The following NCOR2 variants were observed in gnomAD, a reference collection of about 807,000 sequenced individuals.
NCOR2 encodes nuclear receptor corepressor 2.
NCOR2 carries 81 observed loss-of-function variants against 262.9 expected under a neutral mutation model. The observed-to-expected ratio is 0.31, with a 90% CI of 0.26 to 0.37. The LOEUF is 0.37. Ranked by LOEUF, NCOR2 falls within the 10% of genes least tolerant of loss-of-function variation. NCOR2 has a pLI of 1.00. For missense variants in NCOR2, 3,385 were observed against 3,621.4 expected, an observed-to-expected ratio of 0.93 and a Z score of 1.68; for synonymous variants, 1,659 against 1,559.3, an observed-to-expected ratio of 1.06 and a Z score of -1.51.
intron 45 of NCOR2, 127 bp downstream of exon 47, chr12:124,327,282 A>G: frequency 3.9e-6 from 3 of 776,942 alleles, no homozygotes; most frequent in Admixed American, 2.6e-5. Context: ...GAGGTCAAAC[A>G]CGCACAAAAA....
rs1196720514 is a variant in NCOR2, at chr12:124,482,949, C to T, written c.411+647G>A. Among the ~76,000 whole-genome samples the T allele has an allele frequency of 2.0e-5, 3 of 152,178 alleles. No individual in the cohort carries two copies. The highest frequency in any genetic ancestry group is 4.4e-5 in the Non-Finnish European group (3 of 68,010). ...GTCCAGGCCATGTCCTAACCAAGCA[C>T]CGCCCCTTTAGTGCTGAGCCAACTC... On this transcript the variant is annotated intron_variant, in intron 3 of 46. Coordinates refer to ENST00000405201, the Ensembl canonical transcript of NCOR2. This position sits in a 1 kb window ranked among gnomAD's most constrained non-coding sequence, Gnocchi z 6.3.
chr12:124,476,607 A>G (rs935156928), intron 3 of NCOR2, among the ~76,000 whole-genome samples: 1 of 152,256 alleles, frequency 6.6e-6, no homozygotes. Flanking sequence ...CAGGAGTAAA[A>G]GCAGCGGCTG....
chr12:124,371,930 G>T, intron 20 of NCOR2, 92 bp downstream of exon 22: 1 of 1,318,254 alleles, frequency 7.6e-7, no homozygotes, highest in Non-Finnish European at 1.0e-6. Context: ...AAAGCAGGCA[G>T]AGCCAGACTG....
At chr12:124,423,245 C>T (rs1307084594) in intron 11 of NCOR2, among the ~76,000 whole-genome samples, 4 of 152,316 alleles carry the variant, frequency 2.6e-5, no homozygotes, top group East Asian at 3.9e-4. Context: ...TGGGTCAAGG[C>T]CTGCTCCACC....
At position 124,346,696 on chromosome 12, in the gene NCOR2, C is replaced by A. The variant is rs768218509; in HGVS notation, c.4227G>T (p.Pro1409=). Residue 1409 remains proline (P), a synonymous_variant, in exon 31 of 47, where the codon CCG becomes CCT. Coordinates refer to ENST00000405201, the Ensembl canonical transcript of NCOR2. ...CCGTGGCCACCAGGCCCTCATGGGC[C>A]GGCTTCAGCTTCAGGGGGCCCAGGG... is the stretch of plus-strand genomic sequence containing the variant. 5 of 1,571,960 alleles carry A rather than the reference C, an allele frequency of 3.2e-6. No homozygotes were observed. The South Asian group carries it at 5.8e-5, about 18-fold the overall frequency.
intron 11 of NCOR2, among the ~76,000 whole-genome samples, chr12:124,423,181 C>A (rs2043321086): frequency 6.6e-6 from 1 of 152,200 alleles, no homozygotes; most frequent in Non-Finnish European, 1.5e-5. Flanking sequence ...AACCACTGGG[C>A]CCAGGCTGAA....
rs987566048 is a variant in NCOR2 at position 124,461,331 on chromosome 12, T to C, written c.706-4169A>G. Among the ~76,000 whole-genome samples, 5 of 152,306 alleles carry C rather than the reference T, an allele frequency of 3.3e-5. No homozygotes were observed. The East Asian group carries it at 9.6e-4, about 29-fold the overall frequency. On this transcript the variant is annotated intron_variant, in intron 5 of 46. Transcript: ENST00000405201. ...TGAGAGGAAAGGAAAACCTAGGGAC[T>C]CAAGCCAATGAGCGGCCCCGCTCAC... is the stretch of plus-strand genomic sequence containing the variant.
chr12:124,560,878 T>C (rs949693421), intron 1 of NCOR2, among the ~76,000 whole-genome samples: 55 of 152,364 alleles, frequency 3.6e-4, no homozygotes, highest in African/African-American at 1.3e-3. Flanking sequence ...TTGAATGCAT[T>C]ACTTTTTGTT....
At position 124,485,972 on chromosome 12, in the gene NCOR2, C is replaced by G. The variant is rs565336403; in HGVS notation, c.233+469G>C. Among the ~76,000 whole-genome samples, 14 of 131,946 alleles carry G rather than the reference C, an allele frequency of 1.1e-4. 1 individual carries two copies. Among genetic ancestry groups the G allele is most frequent in the African/African-American group, 3.8e-4 (14 of 36,668 alleles). 86.6% of individuals were successfully genotyped at this position (131,946 alleles called of 152,430 possible). The stretch of plus-strand genomic sequence containing the variant: ...CCCCACCCCACCTCCCTCCCACTCC[C>G]CACCTCCCTCTCACCCTACCACCTA... On this transcript the variant is annotated intron_variant, in intron 2 of 46. Coordinates refer to ENST00000405201, the Ensembl canonical transcript of NCOR2.
Position 124,451,244 on chromosome 12 carries a change from C to G in NCOR2, c.763-1377G>C, listed in dbSNP as rs2045512675. On this transcript the variant is annotated intron_variant, in intron 6 of 46. Coordinates refer to ENST00000405201, the Ensembl canonical transcript of NCOR2. The stretch of plus-strand genomic sequence containing the variant: ...GCCGGCCCCCCGACTCCCTCGCTGG[C>G]CACGGAGGTGCAAGAGCTGAGCCCA... Among the ~76,000 whole-genome samples, 6 of 152,372 alleles carry G rather than the reference C, an allele frequency of 3.9e-5. No homozygotes were observed. In the South Asian group the frequency reaches 1.0e-3, roughly 26 times the overall value.
chr12:124,417,444 G>T (rs2042972135), intron 13 of NCOR2, among the ~76,000 whole-genome samples: 1 of 152,290 alleles, frequency 6.6e-6, no homozygotes, highest in South Asian at 2.1e-4. Flanking sequence ...TCACACAGGG[G>T]GAGGGGATGG....
At chr12:124,362,396 G>A (rs1419699896) in intron 21 of NCOR2, 99 bp from the exon 24 acceptor site, 25 of 1,117,604 alleles carry the variant, frequency 2.2e-5, no homozygotes, top group South Asian at 7.4e-5. Context: ...ACCAAGGCCC[G>A]GGAAAGCCAG....
At chr12:124,551,083 C>G (rs1203283944) in intron 1 of NCOR2, among the ~76,000 whole-genome samples, 7 of 152,238 alleles carry the variant, frequency 4.6e-5, no homozygotes, top group African/African-American at 1.7e-4. Context: ...GCTAATGCCA[C>G]GGTTCTGGAT....
chr12:124,346,885 C>A, intron 30 of NCOR2, 35 bp from the exon 33 acceptor site: 1 of 1,492,144 alleles, frequency 6.7e-7, no homozygotes, highest in Non-Finnish European at 8.9e-7. Flanking sequence ...TCACGCCCCG[C>A]CCCACCCAGA....
At chr12:124,402,709 A>G (rs2042049681) in intron 13 of NCOR2, 148 bp from the exon 16 acceptor site, 1 of 1,438,506 alleles carries the variant, frequency 7.0e-7, no homozygotes, top group Non-Finnish European at 9.3e-7. Flanking sequence ...ACAACCGGGA[A>G]GCCAGGCCCC....
At chr12:124,494,868 C>T (rs973436262) in intron 1 of NCOR2, among the ~76,000 whole-genome samples, 2 of 152,360 alleles carry the variant, frequency 1.3e-5, no homozygotes, top group African/African-American at 2.4e-5. Flanking sequence ...TCCACATTCG[C>T]GTGCCAATCC....
chr12:124,364,576 C>T (rs930912486), intron 20 of NCOR2, among the ~76,000 whole-genome samples: 2 of 152,206 alleles, frequency 1.3e-5, no homozygotes, highest in Non-Finnish European at 2.9e-5. Flanking sequence ...ACAGGGTACA[C>T]GGTGCCTGGC....
intron 7 of NCOR2, among the ~76,000 whole-genome samples, chr12:124,439,192 C>A (rs201471243): frequency 2.3e-5 from 2 of 86,874 alleles, no homozygotes; most frequent in Admixed American, 1.1e-4. Context: ...GAGAGAGAGA[C>A]GGAGACCCAG....
intron 1 of NCOR2, among the ~76,000 whole-genome samples, chr12:124,552,747 G>A (rs757727197): frequency 1.3e-5 from 2 of 152,280 alleles, no homozygotes; most frequent in Non-Finnish European, 2.9e-5. Flanking sequence ...GGAGTGCAGT[G>A]GCATGATCAC....
Sources: allele counts gnomAD v4.1 joint callset (sites outside exome capture counted in the v4.1 genomes callset), GRCh38; gene constraint gnomAD v4.1.1; non-coding constraint Gnocchi (gnomAD v3.1); transcripts MANE v1.5; gene names NCBI Gene and HGNC (gene_info 2026-07-23, HGNC 2026-07-21).